Variants in SLC52A1 observed in about 807,000 individuals in gnomAD.
The protein encoded by SLC52A1 is solute carrier family 52, riboflavin transporter, member 1.
A neutral mutation model predicts 23.2 loss-of-function variants in SLC52A1; 20 were observed. The observed-to-expected ratio is 0.86, with a 90% CI of 0.61 to 1.25. The LOEUF is 1.25. Among genes scored for constraint, SLC52A1 ranks in the 50% most tolerant of loss-of-function variants. The probability of loss-of-function intolerance (pLI) is 0.00; values close to 1 mark genes in which losing one functional copy is unlikely to be tolerated. For missense variants in SLC52A1, 528 were observed against 557.0 expected (o/e 0.95, Z 0.52); for synonymous variants, 260 against 256.6 (o/e 1.01, Z -0.13).
Position 5,033,636 on chromosome 17 carries a change from G to A in SLC52A1, c.853C>T (p.Leu285=), listed in dbSNP as rs913872930. Reference sequence around the variant, plus strand: ...GTCACGGCACTGGTGAAGGCCATCAGGCCCAGCAGGAAGGCACCATGGGCT... The same window carrying A: ...GTCACGGCACTGGTGAAGGCCATCAAGCCCAGCAGGAAGGCACCATGGGCT... ...FSAHGAFLLG[L]MAFTSAVTNG... is the part of the protein sequence containing the mutation. Residue 285 remains leucine, a synonymous_variant, in exon 3 of 5, where the codon CTG becomes TTG. Coordinates refer to ENST00000254853, the MANE Select transcript of SLC52A1 (RefSeq NM_017986.4). 1 of 1,613,952 alleles carries A rather than the reference G, an allele frequency of 6.2e-7. No homozygotes were observed. The highest frequency in any genetic ancestry group is 1.3e-5 in the African/African-American group (1 of 74,954).
upstream of SLC52A1, among the ~76,000 whole-genome samples, chr17:5,036,395 A>G (rs1244171017): frequency 7.9e-6 from 1 of 126,076 alleles, no homozygotes; most frequent in Admixed American, 9.0e-5. Context: ...ACACCTGGCT[A>G]ATTTTTGCTT....
chr17:5,041,864 G>A (rs1249203773), intron 1 of SLC52A1, among the ~76,000 whole-genome samples: 2 of 151,848 alleles, frequency 1.3e-5, no homozygotes, highest in Admixed American at 6.6e-5. Flanking sequence ...CACCTGCCTC[G>A]GCCTCCCAAA....
upstream of SLC52A1, among the ~76,000 whole-genome samples, chr17:5,037,365 A>G (rs1285329425): frequency 1.3e-5 from 2 of 151,974 alleles, no homozygotes; most frequent in Non-Finnish European, 2.9e-5. Context: ...CTAAAAATAC[A>G]CAAATTAGCT....
upstream of SLC52A1, among the ~76,000 whole-genome samples, chr17:5,036,572 T>C (rs1975465601): frequency 6.6e-6 from 1 of 151,616 alleles, no homozygotes. Context: ...CCACCACGCC[T>C]GGATAATTTT....
In SLC52A1 at chr17:5,033,487, C is replaced by A; in HGVS notation, c.1002G>T (p.Val334=). 6.2e-7 allele frequency: 1 copy of A among 1,611,536 alleles called. No individual in the cohort carries two copies. The highest frequency in any genetic ancestry group is 8.5e-7 in the Non-Finnish European group (1 of 1,178,604). Residue 334 remains valine (V), a synonymous_variant, in exon 3 of 5, where the codon GTG becomes GTT. Transcript: ENST00000254853. ...NPLACFLAMG[V]LCRSLAGLVG... ...TGGGGACCCTTTTGCACCTGCACAGCACGCCCATGGCCAGGAAGCAGGCAA... is the reference window on the plus strand; with the variant it reads ...TGGGGACCCTTTTGCACCTGCACAGAACGCCCATGGCCAGGAAGCAGGCAA...
At chr17:5,039,177 G>C (rs970460098), upstream of SLC52A1, among the ~76,000 whole-genome samples, 1 of 151,760 alleles carries the variant, frequency 6.6e-6, no homozygotes, top group Non-Finnish European at 1.5e-5. Flanking sequence ...ACAAAAATCA[G>C]CTGGGCTTGG....
chr17:5,034,796 G>C, intron 1 of SLC52A1, 65 bp downstream of exon 1: 1 of 558,336 alleles, frequency 1.8e-6, no homozygotes, highest in East Asian at 4.5e-5. Flanking sequence ...AGACTGCTAA[G>C]ACCAGGGCAA....
chr17:5,033,855 G>T lies in SLC52A1; in HGVS notation c.634C>A (p.Arg212=). The T allele has an allele frequency of 6.2e-7, 1 of 1,614,238 alleles. No homozygotes were observed. Among genetic ancestry groups the T allele is most frequent in the Non-Finnish European group, 8.5e-7 (1 of 1,180,038 alleles). The change falls in exon 3 of 5, where the codon CGG becomes AGG. Residue 212 remains arginine (R), a synonymous_variant. Transcript: ENST00000254853. ...ALLVTSAAAF[R]GLLLLLPSLP... Reference sequence around the variant, plus strand: ...GATGGCAACAGCAACAGGAGACCCCGGAAGGCGGCAGCTGAAGTGACCAGA... The same window carrying T: ...GATGGCAACAGCAACAGGAGACCCCTGAAGGCGGCAGCTGAAGTGACCAGA...
chr17:5,035,873 A>ATT (rs71149503), upstream of SLC52A1, among the ~76,000 whole-genome samples: 23,022 of 45,446 alleles, frequency 0.51, 8,058 homozygotes, highest in Non-Finnish European at 0.57. Context: ...TGTCCAGCTA[A>ATT]TTTTTTTTTT....
At chr17:5,039,995 A>C (rs1975525299), upstream of SLC52A1, among the ~76,000 whole-genome samples, 1 of 152,142 alleles carries the variant, frequency 6.6e-6, no homozygotes, top group Non-Finnish European at 1.5e-5. Context: ...AGCCGGCTAT[A>C]AATGGTGAAC....
rs1415617108 is a variant in SLC52A1, at chr17:5,033,188, C to T, written c.1135-19G>A. 2 of 1,613,490 alleles carry T rather than the reference C, an allele frequency of 1.2e-6. No homozygotes were observed. The highest frequency in any genetic ancestry group is 1.1e-5 in the South Asian group (1 of 91,062). On this transcript the variant is annotated intron_variant, in intron 4 of 4. Coordinates refer to ENST00000254853, the MANE Select transcript of SLC52A1 (RefSeq NM_017986.4). ...ACAGCACCTGCAAGGGAGGACACAG[C>T]AGCAGGCTGAGCATGACATGCACTT...
In SLC52A1 at chr17:5,034,018, G is replaced by C; in HGVS notation, c.471C>G (p.Leu157=). The change falls in exon 3 of 5, where the codon CTC becomes CTG. Residue 157 remains leucine, a synonymous_variant. Transcript: ENST00000254853. ...FFLGQGLSAL[L]PCVLALVQGV... Reference sequence around the variant, plus strand: ...CTTGCACTAGGGCCAGCACACAGGGGAGTAGGGCACTGAGACCCTGACCCA... The same window carrying C: ...CTTGCACTAGGGCCAGCACACAGGGCAGTAGGGCACTGAGACCCTGACCCA... 1 of 1,614,086 alleles carries C rather than the reference G, an allele frequency of 6.2e-7. No homozygotes were observed. Among genetic ancestry groups the C allele is most frequent in the East Asian group, 2.2e-5 (1 of 44,894 alleles).
upstream of SLC52A1, among the ~76,000 whole-genome samples, chr17:5,037,459 C>T (rs879740182): frequency 5.3e-5 from 8 of 152,046 alleles, no homozygotes; most frequent in Non-Finnish European, 8.8e-5. Flanking sequence ...GTGGAGGTTG[C>T]AGTGAGCTGA....
upstream of SLC52A1, among the ~76,000 whole-genome samples, chr17:5,039,600 T>C (rs1975521071): frequency 1.3e-5 from 2 of 151,864 alleles, no homozygotes; most frequent in Admixed American, 6.6e-5. Context: ...GCCTCCCGAG[T>C]AGCTGGGGTT....
chr17:5,038,490 C>G (rs1193237812), upstream of SLC52A1, among the ~76,000 whole-genome samples: 2 of 152,124 alleles, frequency 1.3e-5, no homozygotes, highest in African/African-American at 4.8e-5. Context: ...CTAAACCAGA[C>G]AGAAATGGGG....
At chr17:5,040,487 G>A (rs1975529997) in intron 1 of SLC52A1, among the ~76,000 whole-genome samples, 1 of 152,134 alleles carries the variant, frequency 6.6e-6, no homozygotes, top group Non-Finnish European at 1.5e-5. Flanking sequence ...ATTTGTTCTT[G>A]CGTGGGGTGA....
chr17:5,033,239 C>A, intron 4 of SLC52A1, 22 bp downstream of exon 4: 3 of 1,613,144 alleles, frequency 1.9e-6, no homozygotes, highest in Non-Finnish European at 2.5e-6. Flanking sequence ...CTCCTCCCCA[C>A]TTCATGTCTC....
chr17:5,032,891 T>A lies in SLC52A1; in HGVS notation c.*66A>T. ...GGAAGCCTGCCTGGGCCACAAGTAG[T>A]CAGGCACTGTGGCAGCCTCACGATG... On this transcript the variant is annotated 3_prime_UTR_variant, in exon 5 of 5. Coordinates refer to ENST00000254853, the MANE Select transcript of SLC52A1 (RefSeq NM_017986.4). The A allele has an allele frequency of 6.9e-7, 1 of 1,448,334 alleles. No homozygotes were observed. The highest frequency in any genetic ancestry group is 1.4e-5 in the African/African-American group (1 of 71,784). 89.7% of individuals were successfully genotyped at this position (1,448,334 alleles called of 1,614,324 possible). A position where few individuals can be genotyped will look rare whatever the true frequency, so the allele number is the denominator to read the frequency against.
chr17:5,041,699 G>A (rs947262334), intron 1 of SLC52A1, among the ~76,000 whole-genome samples: 2 of 151,896 alleles, frequency 1.3e-5, no homozygotes, highest in African/African-American at 2.4e-5. Flanking sequence ...GGCTGGTCTC[G>A]AACTCCTGAC....
Sources: allele counts gnomAD v4.1 joint callset (sites outside exome capture counted in the v4.1 genomes callset), GRCh38; gene constraint gnomAD v4.1.1; transcripts MANE v1.5; gene names NCBI Gene and HGNC (gene_info 2026-07-23, HGNC 2026-07-21).